The following CSMD3 variants were observed in gnomAD, a reference collection of about 807,000 sequenced individuals.
The protein encoded by CSMD3 is CUB and sushi domain-containing protein 3.
A neutral mutation model predicts 435.2 loss-of-function variants in CSMD3; 177 were observed. The ratio of observed to expected loss-of-function variants is 0.41; its 90% CI spans 0.36 to 0.46. The LOEUF (loss-of-function observed/expected upper bound fraction) is 0.46. Ranked by LOEUF, CSMD3 falls within the 20% of genes least tolerant of loss-of-function variation. The pLI is 0.34. For synonymous variants in CSMD3, 1,656 were observed against 1,520.5 expected (o/e 1.09, Z -2.07); for missense variants, 4,265 against 4,504.6 (o/e 0.95, Z 1.52).
intron 4 of CSMD3, among the ~76,000 whole-genome samples, chr8:113,152,418 T>C (rs2091829458): frequency 6.6e-6 from 1 of 152,042 alleles, no homozygotes; most frequent in African/African-American, 2.4e-5. Flanking sequence ...GAATAGGGAT[T>C]CAAGACAACT....
chr8:112,224,679 A>T lies in CSMD3; in HGVS notation c.*92T>A. 1 of 1,327,290 alleles carries T rather than the reference A, an allele frequency of 7.5e-7. No individual in the cohort carries two copies. Among genetic ancestry groups the T allele is most frequent in the Non-Finnish European group, 1.1e-6 (1 of 918,884 alleles). 82.2% of individuals were successfully genotyped at this position (1,327,290 alleles called of 1,614,324 possible). A position where few individuals can be genotyped will look rare whatever the true frequency, so the allele number is the denominator to read the frequency against. Reference sequence around the variant, plus strand: ...GAAAAGGTGACCCAGCAAGTCCTGAAAAGTGTGCTTTAATTTGTTTAGCAG... The same window carrying T: ...GAAAAGGTGACCCAGCAAGTCCTGATAAGTGTGCTTTAATTTGTTTAGCAG... On this transcript the variant is annotated 3_prime_UTR_variant, in exon 71 of 71. Coordinates refer to ENST00000297405, the MANE Select transcript of CSMD3 (RefSeq NM_198123.2).
intron 52 of CSMD3, 56 bp downstream of exon 52, chr8:112,304,665 A>C: frequency 7.5e-7 from 1 of 1,329,452 alleles, no homozygotes; most frequent in Non-Finnish European, 1.1e-6. Flanking sequence ...ACTGATTCAA[A>C]CAATTCGATA....
chr8:113,118,408 C>T (rs1024096149), intron 4 of CSMD3, among the ~76,000 whole-genome samples: 4 of 152,144 alleles, frequency 2.6e-5, no homozygotes, highest in African/African-American at 9.7e-5. Flanking sequence ...AAAGTGACTG[C>T]TCTAGAATCA....
At chr8:112,925,129 C>T (rs920217363) in intron 9 of CSMD3, among the ~76,000 whole-genome samples, 9 of 152,030 alleles carry the variant, frequency 5.9e-5, no homozygotes, top group Non-Finnish European at 8.8e-5. Context: ...TAACATGAAC[C>T]TTATGTTCCA....
intron 32 of CSMD3, among the ~76,000 whole-genome samples, chr8:112,414,306 T>A (rs1288277022): frequency 6.6e-6 from 1 of 152,134 alleles, no homozygotes; most frequent in African/African-American, 2.4e-5. Context: ...GAGGTTGTTT[T>A]CCCTTTGTTG....
At chr8:112,330,658 T>C (rs1247025667) in intron 45 of CSMD3, among the ~76,000 whole-genome samples, 1 of 151,850 alleles carries the variant, frequency 6.6e-6, no homozygotes, top group African/African-American at 2.4e-5. Flanking sequence ...AGATCTTGGG[T>C]AAATGAAGCA....
chr8:113,355,767 CGG>C (rs1554618964), intron 1 of CSMD3, among the ~76,000 whole-genome samples: 1 of 56,620 alleles, frequency 1.8e-5, no homozygotes, highest in African/African-American at 6.4e-5. Context: ...CACACACACA[CGG>C]GGTGTGTGTG....
At chr8:112,380,524 T>G in intron 37 of CSMD3, 68 bp from the exon 38 acceptor site, 1 of 852,566 alleles carries the variant, frequency 1.2e-6, no homozygotes, top group Non-Finnish European at 2.0e-6. Context: ...TTAAGTAAGT[T>G]TACTAATCAG....
chr8:112,308,512 A>G (rs1821656249), intron 50 of CSMD3, among the ~76,000 whole-genome samples: 1 of 152,054 alleles, frequency 6.6e-6, no homozygotes, highest in South Asian at 2.1e-4. Flanking sequence ...TTTTAAAAAG[A>G]AGAAAAGAAA....
chr8:113,180,051 C>G (rs1297436122), intron 3 of CSMD3, among the ~76,000 whole-genome samples: 2 of 151,898 alleles, frequency 1.3e-5, no homozygotes, highest in Non-Finnish European at 2.9e-5. Context: ...GAAGCATGAT[C>G]CTGCTGAGAT....
intron 28 of CSMD3, among the ~76,000 whole-genome samples, chr8:112,509,881 T>C (rs1822920269): frequency 6.6e-6 from 1 of 152,200 alleles, no homozygotes; most frequent in Non-Finnish European, 1.5e-5. Context: ...CTCTAAACCA[T>C]ATGCCAGAGT....
At chr8:113,254,986 A>T (rs1006527231) in intron 3 of CSMD3, among the ~76,000 whole-genome samples, 18 of 152,258 alleles carry the variant, frequency 1.2e-4, no homozygotes, top group Non-Finnish European at 2.4e-4. Flanking sequence ...ATGAGTACTT[A>T]AAAAAGGTTA....
At chr8:112,879,195 A>G (rs2081377578) in intron 10 of CSMD3, among the ~76,000 whole-genome samples, 1 of 152,150 alleles carries the variant, frequency 6.6e-6, no homozygotes, top group South Asian at 2.1e-4. Flanking sequence ...AATAATTAAC[A>G]GCCCTGGGAA....
chr8:112,665,993 T>G (rs2075514717), intron 17 of CSMD3, among the ~76,000 whole-genome samples: 1 of 152,040 alleles, frequency 6.6e-6, no homozygotes, highest in Non-Finnish European at 1.5e-5. Flanking sequence ...ATAGAACAAC[T>G]AAACTCATTA....
rs374549900 is a variant in CSMD3 at position 112,633,884 on chromosome 8, A to G, written c.3715+2933T>C. 1.1e-3 allele frequency among the ~76,000 whole-genome samples: 170 copies of G among 152,152 alleles called. 1 individual carries two copies. The highest frequency in any genetic ancestry group is 3.7e-3 in the African/African-American group (153 of 41,558). The stretch of plus-strand genomic sequence containing the variant: ...TTTCATACTTTGTATAAAATTTAAA[A>G]CCTCATCTGGGGCTTGTTCTGGGAG... On this transcript the variant is annotated intron_variant, in intron 22 of 70. Coordinates refer to ENST00000297405, the MANE Select transcript of CSMD3 (RefSeq NM_198123.2).
intron 13 of CSMD3, among the ~76,000 whole-genome samples, chr8:112,755,437 AAG>A (rs1477411220): frequency 2.0e-5 from 3 of 151,368 alleles, no homozygotes; most frequent in African/African-American, 7.3e-5. Flanking sequence ...ATGGTTTTAT[AAG>A]AGTCTTTTCC....
rs985860237 is a variant in CSMD3 at position 113,084,722 on chromosome 8, A to C, written c.917+14034T>G. 3.3e-5 allele frequency among the ~76,000 whole-genome samples: 5 copies of C among 151,800 alleles called. No individual in the cohort carries two copies. In the East Asian group the frequency reaches 9.6e-4, roughly 29 times the overall value. ...ACCTGTTTTCAAAATATAGTACAAA[A>C]CTATAGTAAGTAAACCAGCATGGCA... On this transcript the variant is annotated intron_variant, in intron 5 of 70. Transcript: ENST00000297405.
intron 32 of CSMD3, among the ~76,000 whole-genome samples, chr8:112,440,412 T>C (rs1427375267): frequency 6.6e-6 from 1 of 150,886 alleles, no homozygotes; most frequent in African/African-American, 2.4e-5. Context: ...CATGACTTGG[T>C]GTTGAGTGTC....
intron 32 of CSMD3, among the ~76,000 whole-genome samples, chr8:112,410,594 A>G (rs1243403695): frequency 9.3e-6 from 1 of 107,558 alleles, no homozygotes; most frequent in Non-Finnish European, 1.9e-5. Flanking sequence ...ACATATGTAT[A>G]TATATATGTG....
Sources: gnomAD v4.1 joint callset for allele counts (sites outside exome capture counted in the v4.1 genomes callset) on GRCh38, gnomAD v4.1.1 for gene constraint, MANE v1.5 for transcripts, NCBI Gene and HGNC (gene_info 2026-07-23, HGNC 2026-07-21) for gene names.